The following ZNF695 variants were observed in gnomAD, a reference collection of about 807,000 sequenced individuals.
ZNF695 encodes the protein zinc finger protein 695.
ZNF695 carries 11 observed loss-of-function variants against 11.2 expected under a neutral mutation model. The ratio of observed to expected loss-of-function variants is 0.98; its 90% CI spans 0.62 to 1.62. The LOEUF (loss-of-function observed/expected upper bound fraction) is 1.62, where lower values mean the gene tolerates loss of function less well. Ranked by LOEUF, ZNF695 falls within the 40% of genes most tolerant of loss-of-function variation. ZNF695 has a pLI of 0.00. For missense variants in ZNF695, 559 were observed against 590.5 expected (o/e 0.95, Z 0.55); for synonymous variants, 190 against 201.4 (o/e 0.94, Z 0.48).
At chr1:246,998,632 C>A (rs1366733087) in intron 3 of ZNF695, among the ~76,000 whole-genome samples, 1 of 152,210 alleles carries the variant, frequency 6.6e-6, no homozygotes, top group African/African-American at 2.4e-5. Flanking sequence ...AATATCACCA[C>A]TACTCTCACA....
At chr1:246,975,110 G>A (rs1668524575) in intron 4 of ZNF695, among the ~76,000 whole-genome samples, 1 of 151,858 alleles carries the variant, frequency 6.6e-6, no homozygotes, top group South Asian at 2.1e-4. Flanking sequence ...TTGCATTTAC[G>A]ATTAGTCTCC....
chr1:247,002,590 G>A lies in ZNF695; in HGVS notation c.4-2516C>T, dbSNP rs184437701. On this transcript the variant is annotated intron_variant, in intron 1 of 3. Transcript: ENST00000339986. The stretch of plus-strand genomic sequence containing the variant: ...CACCTGAGGTCAGGAGTTCGAGACC[G>A]GCCTGGCCAACATGGCGAAACCCCA... Among the ~76,000 whole-genome samples the A allele has an allele frequency of 7.9e-5, 12 of 152,184 alleles. No individual in the cohort carries two copies. In the South Asian group the frequency reaches 1.5e-3, roughly 18 times the overall value.
At chr1:246,984,696 CA>C (rs1668802496), downstream of ZNF695, among the ~76,000 whole-genome samples, 1 of 151,760 alleles carries the variant, frequency 6.6e-6, no homozygotes, top group Non-Finnish European at 1.5e-5. Flanking sequence ...GAAACAATAA[CA>C]AAAAAAGTTG....
At chr1:246,999,803 A>T in intron 2 of ZNF695, 109 bp downstream of exon 2, 1 of 1,155,520 alleles carries the variant, frequency 8.7e-7, no homozygotes, top group Non-Finnish European at 1.2e-6. Flanking sequence ...TTTGTTTTCT[A>T]CACCAAGAAA....
At chr1:246,966,495 T>C (rs1391410744) in intron 5 of ZNF695, among the ~76,000 whole-genome samples, 1 of 151,506 alleles carries the variant, frequency 6.6e-6, no homozygotes, top group East Asian at 1.9e-4. Flanking sequence ...CCAAAAAAAA[T>C]TCAAAGTGAG....
chr1:246,978,891 T>A (rs945655550), intron 4 of ZNF695, among the ~76,000 whole-genome samples: 1 of 152,184 alleles, frequency 6.6e-6, no homozygotes, highest in African/African-American at 2.4e-5. Flanking sequence ...AGTATGATGA[T>A]GTTCTCCAGT....
chr1:246,967,025 G>A (rs570301517), intron 5 of ZNF695, among the ~76,000 whole-genome samples: 7 of 152,200 alleles, frequency 4.6e-5, no homozygotes, highest in South Asian at 2.1e-4. Context: ...CACAACCTCC[G>A]CCTCCCAGGT....
intron 4 of ZNF695, chr1:246,969,402 A>G (rs901836598): frequency 6.6e-6 from 1 of 152,218 alleles, no homozygotes; most frequent in African/African-American, 2.4e-5. Flanking sequence ...CCTCATCTCC[A>G]TCTGAGAACT....
At chr1:247,001,712 C>CA (rs56131097) in intron 1 of ZNF695, among the ~76,000 whole-genome samples, 40 of 79,212 alleles carry the variant, frequency 5.0e-4, no homozygotes, top group Non-Finnish European at 6.8e-4. Context: ...GACTTCGTCT[C>CA]AAAAAAAAAA....
At chr1:246,966,922 T>C in intron 5 of ZNF695, 1 of 434,516 alleles carries the variant, frequency 2.3e-6, no homozygotes. Context: ...ATAAATCATA[T>C]TAAATGTTAC....
intron 3 of ZNF695, among the ~76,000 whole-genome samples, chr1:246,990,197 GAA>G (rs35830977): frequency 0.85 from 128,093 of 150,578 alleles, 54,790 homozygotes; most frequent in East Asian, 0.99. Context: ...AAGGAAAAGA[GAA>G]AGAGAGAGAG....
chr1:246,946,746 GCTTTAA>G (rs1197628749), intron 5 of ZNF695, among the ~76,000 whole-genome samples: 1 of 152,238 alleles, frequency 6.6e-6, no homozygotes, highest in Non-Finnish European at 1.5e-5. Context: ...ATATTTCTTT[GCTTTAA>G]CTGGGATTCC....
chr1:247,005,585 C>T (rs753027858), intron 1 of ZNF695, among the ~76,000 whole-genome samples: 1 of 152,052 alleles, frequency 6.6e-6, no homozygotes, highest in Non-Finnish European at 1.5e-5. Context: ...TGGTGGCCTG[C>T]ACCTGTGGTC....
Position 247,007,996 on chromosome 1 carries a change from CG to C in ZNF695, c.-89del. On this transcript the variant is annotated 5_prime_UTR_variant, in exon 1 of 4. Coordinates refer to ENST00000339986, the MANE Select transcript of ZNF695 (RefSeq NM_020394.5). ...GGCGATGGAGCCTGCGGCAGTCACC[CG>C]GGACTCTCCGAGAGGCAGCAGACGG... 1 of 1,374,258 alleles carries C rather than the reference CG, an allele frequency of 7.3e-7. No individual in the cohort carries two copies. The highest frequency in any genetic ancestry group is 9.6e-7 in the Non-Finnish European group (1 of 1,044,646). 85.1% of individuals were successfully genotyped at this position (1,374,258 alleles called of 1,614,324 possible). A position where few individuals can be genotyped will look rare whatever the true frequency, so the allele number is the denominator to read the frequency against.
chr1:246,953,882 C>T (rs551930742), intron 5 of ZNF695, among the ~76,000 whole-genome samples: 10 of 150,778 alleles, frequency 6.6e-5, no homozygotes, highest in South Asian at 2.1e-4. Flanking sequence ...GCTGAGATCA[C>T]GCCACTGCAC....
In ZNF695 at chr1:246,993,330, C is replaced by T. The variant is rs144245400; in HGVS notation, c.260-5075G>A. Among the ~76,000 whole-genome samples, 451 of 152,110 alleles carry T rather than the reference C, an allele frequency of 3.0e-3. 1 individual carries two copies. The highest frequency in any genetic ancestry group is 9.6e-3 in the African/African-American group (399 of 41,500). ...GCTAAGGCAGGAGAATTGCTTGAACCCGGGAGGCAGAGGGTGCAGTGAGCC... is the reference window on the plus strand; with the variant it reads ...GCTAAGGCAGGAGAATTGCTTGAACTCGGGAGGCAGAGGGTGCAGTGAGCC... On this transcript the variant is annotated intron_variant, in intron 3 of 3. Coordinates refer to ENST00000339986, the MANE Select transcript of ZNF695 (RefSeq NM_020394.5).
chr1:246,979,466 C>G (rs1035308466), intron 4 of ZNF695, among the ~76,000 whole-genome samples: 3 of 152,128 alleles, frequency 2.0e-5, no homozygotes, highest in Admixed American at 6.5e-5. Context: ...TTTGCCATTT[C>G]AAGGAAAGAC....
intron 1 of ZNF695, among the ~76,000 whole-genome samples, chr1:247,000,850 A>T: frequency 6.6e-6 from 1 of 152,196 alleles, no homozygotes; most frequent in Non-Finnish European, 1.5e-5. Flanking sequence ...AACCACACAA[A>T]CAAGTCTACA....
downstream of ZNF695, chr1:246,985,190 T>A (rs572651403): frequency 1.7e-6 from 1 of 580,408 alleles, no homozygotes; most frequent in Admixed American, 6.3e-5. Flanking sequence ...AGTAGTATAT[T>A]TATGTATTTA....
Sources: gnomAD v4.1 joint callset for allele counts (sites outside exome capture counted in the v4.1 genomes callset) on GRCh38, gnomAD v4.1.1 for gene constraint, MANE v1.5 for transcripts, NCBI Gene and HGNC (gene_info 2026-07-23, HGNC 2026-07-21) for gene names.